Variants in SCAPER observed in about 807,000 individuals in gnomAD.
SCAPER encodes the protein S phase cyclin A-associated protein in the endoplasmic reticulum.
A neutral mutation model predicts 182.2 loss-of-function variants in SCAPER; 98 were observed. The observed-to-expected ratio is 0.54, with a 90% CI of 0.46 to 0.64. The LOEUF (loss-of-function observed/expected upper bound fraction) is 0.64, where lower values mean the gene tolerates loss of function less well. SCAPER is among the 30% of genes least tolerant of loss of function. SCAPER has a pLI of 0.00. For synonymous variants in SCAPER, 605 were observed against 564.6 expected (o/e 1.07, Z -1.01); for missense variants, 1,432 against 1,690.0 (o/e 0.85, Z 2.68).
intron 20 of SCAPER, among the ~76,000 whole-genome samples, chr15:76,691,826 T>A (rs1204706482): frequency 6.6e-6 from 1 of 152,170 alleles, no homozygotes; most frequent in Non-Finnish European, 1.5e-5. Context: ...CTTAAAAGTG[T>A]AAAAGACGTA....
chr15:76,621,243 T>C (rs2052019664), intron 22 of SCAPER, among the ~76,000 whole-genome samples: 1 of 152,190 alleles, frequency 6.6e-6, no homozygotes, highest in African/African-American at 2.4e-5. Flanking sequence ...TGCCTTTGTT[T>C]ACCTAGCTAT....
At chr15:76,358,186 C>T (rs2041135479) in intron 29 of SCAPER, among the ~76,000 whole-genome samples, 1 of 152,188 alleles carries the variant, frequency 6.6e-6, no homozygotes, top group Non-Finnish European at 1.5e-5. Context: ...TGGGACAAAT[C>T]AGATGGAAAC....
Position 76,603,260 on chromosome 15 carries a change from C to T in SCAPER, c.2711+18504G>A, listed in dbSNP as rs2050065442. ...TCCATGTGTTCTCATTGTTCAATTC[C>T]CACCTATGAGCGAGAACATGCGGTG... is the stretch of plus-strand genomic sequence containing the variant. On this transcript the variant is annotated intron_variant, in intron 22 of 31. Coordinates refer to ENST00000563290, the MANE Select transcript of SCAPER (RefSeq NM_020843.4). Among the ~76,000 whole-genome samples, 2 of 119,134 alleles carry T rather than the reference C, an allele frequency of 1.7e-5. 1 individual carries two copies. The highest frequency in any genetic ancestry group is 1.9e-4 in the Admixed American group (2 of 10,264). 78.2% of individuals were successfully genotyped at this position (119,134 alleles called of 152,430 possible).
At chr15:76,724,511 T>C (rs947389483) in intron 17 of SCAPER, among the ~76,000 whole-genome samples, 1 of 152,204 alleles carries the variant, frequency 6.6e-6, no homozygotes, top group African/African-American at 2.4e-5. Flanking sequence ...GATAATATCC[T>C]GCAGAGTGTT....
At chr15:76,886,291 G>A (rs1019839075) in intron 1 of SCAPER, among the ~76,000 whole-genome samples, 1 of 152,100 alleles carries the variant, frequency 6.6e-6, no homozygotes, top group Non-Finnish European at 1.5e-5. Context: ...ACCAGCCTGG[G>A]CAACATGGCA....
intron 24 of SCAPER, among the ~76,000 whole-genome samples, chr15:76,496,344 T>G (rs2040538255): frequency 6.6e-6 from 1 of 152,126 alleles, no homozygotes; most frequent in Admixed American, 6.5e-5. Flanking sequence ...GCTCTTGGGT[T>G]TCAAATTAAG....
chr15:76,371,313 C>T (rs935784887), intron 29 of SCAPER, among the ~76,000 whole-genome samples: 2 of 151,122 alleles, frequency 1.3e-5, no homozygotes, highest in East Asian at 3.9e-4. Flanking sequence ...ATATTTCTCT[C>T]TCTCTCTTTT....
intron 24 of SCAPER, among the ~76,000 whole-genome samples, chr15:76,487,299 T>C (rs1035093040): frequency 2.3e-5 from 3 of 130,382 alleles, no homozygotes. Flanking sequence ...AGTTTACATA[T>C]GTAACAAAAT....
intron 17 of SCAPER, among the ~76,000 whole-genome samples, chr15:76,714,092 G>A (rs1452331891): frequency 6.6e-6 from 1 of 151,804 alleles, no homozygotes; most frequent in Non-Finnish European, 1.5e-5. Context: ...ACAACATGGA[G>A]GAATCTCAAA....
At chr15:76,624,468 G>A (rs1016617252) in intron 21 of SCAPER, among the ~76,000 whole-genome samples, 18 of 152,232 alleles carry the variant, frequency 1.2e-4, no homozygotes, top group African/African-American at 3.6e-4. Flanking sequence ...TCATTAAAAT[G>A]GCTGCCCAAA....
chr15:76,686,004 A>C (rs2058018935), intron 20 of SCAPER, among the ~76,000 whole-genome samples: 2 of 152,084 alleles, frequency 1.3e-5, no homozygotes, highest in Non-Finnish European at 2.9e-5. Context: ...CCACTTTTAT[A>C]ACGTAAGATA....
chr15:76,773,914 CA>C (rs2063604969), intron 9 of SCAPER, among the ~76,000 whole-genome samples: 1 of 151,502 alleles, frequency 6.6e-6, no homozygotes, highest in South Asian at 2.1e-4. Context: ...AAAATTACAC[CA>C]ACGGAACTGA....
At chr15:76,899,417 G>T (rs2074626814) in intron 1 of SCAPER, among the ~76,000 whole-genome samples, 1 of 152,208 alleles carries the variant, frequency 6.6e-6, no homozygotes, top group Admixed American at 6.5e-5. Flanking sequence ...GCCCGCCTCG[G>T]CCTCCCGAGG....
At chr15:76,493,186 T>C (rs941837951) in intron 24 of SCAPER, among the ~76,000 whole-genome samples, 16 of 152,134 alleles carry the variant, frequency 1.1e-4, no homozygotes, top group African/African-American at 3.6e-4. Context: ...TAAACTTGAG[T>C]TTGCATCAAG....
At chr15:76,653,216 T>C (rs2055325291) in intron 21 of SCAPER, among the ~76,000 whole-genome samples, 1 of 151,850 alleles carries the variant, frequency 6.6e-6, no homozygotes, top group African/African-American at 2.4e-5. Flanking sequence ...AAATTACAGA[T>C]TACACAAACA....
At chr15:76,702,758 G>T in intron 19 of SCAPER, 92 bp downstream of exon 19, 1 of 1,443,606 alleles carries the variant, frequency 6.9e-7, no homozygotes, top group Non-Finnish European at 9.4e-7. Context: ...CTGCCTTAGC[G>T]TGAGTTTTAA....
At chr15:76,487,858 C>T (rs371149036) in intron 24 of SCAPER, among the ~76,000 whole-genome samples, 2 of 152,120 alleles carry the variant, frequency 1.3e-5, no homozygotes, top group African/African-American at 4.8e-5. Flanking sequence ...GTTGGGATAA[C>T]AAGAGGTTTG....
At chr15:76,769,839 C>T (rs995620819) in intron 10 of SCAPER, among the ~76,000 whole-genome samples, 4 of 152,092 alleles carry the variant, frequency 2.6e-5, no homozygotes, top group Admixed American at 6.6e-5. Context: ...TTTGACCCAG[C>T]GATCCCATTA....
intron 15 of SCAPER, among the ~76,000 whole-genome samples, chr15:76,749,061 A>C (rs1362453561): frequency 6.6e-6 from 1 of 152,114 alleles, no homozygotes; most frequent in Non-Finnish European, 1.5e-5. Flanking sequence ...ACATTACAAG[A>C]AAAGAAACTA....
Sources: allele counts gnomAD v4.1 joint callset (sites outside exome capture counted in the v4.1 genomes callset), GRCh38; gene constraint gnomAD v4.1.1; transcripts MANE v1.5; gene names NCBI Gene and HGNC (gene_info 2026-07-23, HGNC 2026-07-21).